Variants in PDLIM1 observed in about 807,000 individuals in gnomAD.
The protein encoded by PDLIM1 is PDZ and LIM domain 1.
In PDLIM1, 25 loss-of-function variants were observed where a neutral mutation model predicts 35.2. That is an observed-to-expected ratio of 0.71 (90% CI 0.52 to 0.99). The LOEUF (loss-of-function observed/expected upper bound fraction) is 0.99, where lower values mean the gene tolerates loss of function less well. Among genes scored for constraint, PDLIM1 ranks in the 50% least tolerant of loss-of-function variants. The pLI, the probability that PDLIM1 is intolerant of heterozygous loss-of-function variation, is 0.00. For missense variants in PDLIM1, 363 were observed against 415.3 expected, an observed-to-expected ratio of 0.87 and a Z score of 1.09; for synonymous variants, 152 against 154.0, an observed-to-expected ratio of 0.99 and a Z score of 0.10.
intron 3 of PDLIM1, among the ~76,000 whole-genome samples, chr10:95,264,516 G>A (rs138026923): frequency 2.0e-5 from 3 of 152,344 alleles, no homozygotes; most frequent in African/African-American, 7.2e-5. Flanking sequence ...TTCTCCATAA[G>A]TGAGCAAGTT....
chr10:95,239,525 G>A (rs1364838522), intron 5 of PDLIM1, among the ~76,000 whole-genome samples: 1 of 152,192 alleles, frequency 6.6e-6, no homozygotes, highest in Non-Finnish European at 1.5e-5. Flanking sequence ...GCCGGGCACA[G>A]TAGCTCACTT....
chr10:95,258,304 A>G (rs1453314880), intron 4 of PDLIM1, among the ~76,000 whole-genome samples: 1 of 152,100 alleles, frequency 6.6e-6, no homozygotes, highest in African/African-American at 2.4e-5. Context: ...GATATTATTC[A>G]GCCTTAAAAA....
chr10:95,279,841 G>C (rs2035544939), intron 1 of PDLIM1, among the ~76,000 whole-genome samples: 1 of 152,138 alleles, frequency 6.6e-6, no homozygotes, highest in African/African-American at 2.4e-5. Context: ...AGAAAGAAAA[G>C]ATAGCAGAGA....
intron 1 of PDLIM1, among the ~76,000 whole-genome samples, chr10:95,287,675 T>TA (rs1218466570): frequency 2.0e-5 from 3 of 151,570 alleles, no homozygotes; most frequent in Admixed American, 6.6e-5. Flanking sequence ...TTTTTTTAAT[T>TA]AAAAAAATAC....
chr10:95,289,829 C>T (rs1157713299), intron 1 of PDLIM1, among the ~76,000 whole-genome samples: 2 of 152,338 alleles, frequency 1.3e-5, no homozygotes, highest in South Asian at 4.1e-4. Flanking sequence ...AGAAAGGGGA[C>T]TTCTTTTTCT....
chr10:95,274,659 C>T (rs889772236), intron 1 of PDLIM1, among the ~76,000 whole-genome samples: 1 of 152,140 alleles, frequency 6.6e-6, no homozygotes, highest in East Asian at 1.9e-4. Context: ...GTTTGCAAAC[C>T]TCCTTGGTGG....
At chr10:95,254,061 G>A (rs2035290382) in intron 4 of PDLIM1, among the ~76,000 whole-genome samples, 1 of 151,946 alleles carries the variant, frequency 6.6e-6, no homozygotes, top group South Asian at 2.1e-4. Context: ...CAGGAAAGCA[G>A]GAAAAAGAAA....
intron 4 of PDLIM1, among the ~76,000 whole-genome samples, chr10:95,257,192 G>C (rs1188664835): frequency 2.6e-5 from 4 of 151,630 alleles, no homozygotes; most frequent in Non-Finnish European, 4.4e-5. Context: ...CCAGAAGTTC[G>C]AGACCAGCCT....
intron 1 of PDLIM1, among the ~76,000 whole-genome samples, chr10:95,289,345 G>C (rs1456815085): frequency 1.3e-5 from 2 of 152,190 alleles, no homozygotes; most frequent in Admixed American, 6.5e-5. Flanking sequence ...GGACGATTCT[G>C]GGGAAGGCAC....
intron 1 of PDLIM1, among the ~76,000 whole-genome samples, chr10:95,284,409 A>G (rs1288695981): frequency 5.3e-5 from 8 of 151,640 alleles, no homozygotes; most frequent in Non-Finnish European, 1.2e-4. Context: ...GCTGGAGTGC[A>G]GTGGCGTGAT....
At chr10:95,246,763 C>G (rs532183288) in intron 5 of PDLIM1, among the ~76,000 whole-genome samples, 1 of 152,172 alleles carries the variant, frequency 6.6e-6, no homozygotes, top group Non-Finnish European at 1.5e-5. Flanking sequence ...CAAACACATG[C>G]CCCCAAGCAA....
At chr10:95,261,673 G>GA (rs1454882785) in intron 4 of PDLIM1, among the ~76,000 whole-genome samples, 3 of 152,130 alleles carry the variant, frequency 2.0e-5, no homozygotes, top group East Asian at 1.9e-4. Flanking sequence ...AAGTCACACA[G>GA]AAAAAAGTCT....
At position 95,263,994 on chromosome 10, in the gene PDLIM1, T is replaced by A. The variant is rs2035389116; in HGVS notation, c.403A>T (p.Thr135Ser). Reference protein sequence around the residue: ...MPFTASPASSTTARVITNQYN... With the variant: ...MPFTASPASSSTARVITNQYN... Reference sequence around the variant, plus strand: ...TGGTTTGTGATGACCCTGGCAGTAGTGCTGGAGGCAGGCGAGGCGGTAAAG... The same window carrying A: ...TGGTTTGTGATGACCCTGGCAGTAGAGCTGGAGGCAGGCGAGGCGGTAAAG... Residue 135 changes from threonine (T) to serine (S), a missense_variant, in exon 4 of 7, where the codon ACT becomes TCT. Thr to Ser is a moderately conservative substitution (Grantham distance 58). Transcript: ENST00000329399. 4 of 1,613,844 alleles carry A rather than the reference T, an allele frequency of 2.5e-6. No homozygotes were observed. Among genetic ancestry groups the A allele is most frequent in the Non-Finnish European group, 3.4e-6 (4 of 1,179,870 alleles).
In PDLIM1 at chr10:95,271,779, AGTGACCT is replaced by A. The variant is rs1343119197; in HGVS notation, c.97-2_101del. On this transcript the variant is annotated splice_acceptor_variant and coding_sequence_variant, in exon 2 of 7. Transcript: ENST00000329399. LOFTEE classifies it high-confidence loss of function. ...TAGCTAGAGCCGCCTTGCTTCCAGG[AGTGACCT>A]AGAAAAAAAGGGGAAAGCAGGCTAG... 1.2e-6 allele frequency: 2 copies of A among 1,610,326 alleles called. No homozygotes were observed. The highest frequency in any genetic ancestry group is 3.4e-5 in the Admixed American group (2 of 59,118).
At chr10:95,252,287 G>T (rs551656858) in intron 4 of PDLIM1, among the ~76,000 whole-genome samples, 1 of 152,186 alleles carries the variant, frequency 6.6e-6, no homozygotes, top group African/African-American at 2.4e-5. Flanking sequence ...AGCCATATGG[G>T]GAGCCAGAAC....
chr10:95,254,877 C>A (rs559489492), intron 4 of PDLIM1, among the ~76,000 whole-genome samples: 1 of 152,092 alleles, frequency 6.6e-6, no homozygotes, highest in Admixed American at 6.6e-5. Context: ...CCACTGCACT[C>A]CAACCTGGGC....
At chr10:95,250,601 G>A (rs566686857) in intron 4 of PDLIM1, among the ~76,000 whole-genome samples, 14 of 152,066 alleles carry the variant, frequency 9.2e-5, no homozygotes, top group African/African-American at 2.9e-4. Context: ...AAAATTTCTC[G>A]TTTTTATATT....
chr10:95,247,461 G>A (rs2035231402), intron 4 of PDLIM1, 95 bp from the exon 5 acceptor site: 9 of 1,002,460 alleles, frequency 9.0e-6, no homozygotes, highest in Non-Finnish European at 8.9e-6. Flanking sequence ...CTGATTTGAA[G>A]GATGGATAGA....
intron 1 of PDLIM1, among the ~76,000 whole-genome samples, chr10:95,276,171 T>C (rs928606459): frequency 4.6e-5 from 7 of 152,030 alleles, no homozygotes; most frequent in Non-Finnish European, 8.8e-5. Flanking sequence ...TTCAGAAAAA[T>C]TGTGAGTGGT....
Sources: gnomAD v4.1 joint callset for allele counts (sites outside exome capture counted in the v4.1 genomes callset) on GRCh38, gnomAD v4.1.1 for gene constraint, MANE v1.5 for transcripts, NCBI Gene and HGNC (gene_info 2026-07-23, HGNC 2026-07-21) for gene names.